The following HMCN2 variants were observed in gnomAD, a reference collection of about 807,000 sequenced individuals.
HMCN2 encodes hemicentin 2, also known as hemicentin-2.
HMCN2 carries 325 observed loss-of-function variants against 377.5 expected under a neutral mutation model. The ratio of observed to expected loss-of-function variants is 0.86; its 90% CI spans 0.79 to 0.94. The LOEUF (loss-of-function observed/expected upper bound fraction) is 0.94. Among genes scored for constraint, HMCN2 ranks in the 40% least tolerant of loss-of-function variants. HMCN2 has a pLI of 0.00. For synonymous variants in HMCN2, 2,007 were observed against 2,046.8 expected (o/e 0.98, Z 0.53); for missense variants, 4,543 against 4,725.3 (o/e 0.96, Z 1.13).
In HMCN2 at chr9:130,319,657, G is replaced by A. The variant is rs1360961939; in HGVS notation, c.2513G>A (p.Arg838Lys). Residue 838 changes from arginine to lysine, a missense_variant, in exon 16 of 98, where the codon AGG becomes AAG. Arg to Lys is a conservative substitution (Grantham distance 26). Coordinates refer to ENST00000683500, the MANE Select transcript of HMCN2 (RefSeq NM_001291815.2). ...AGGCTGGGGGCCGGGCGAGGCAGTAGGTCTCGGCAGCCGGATTCGGGAGTG... is the reference window on the plus strand; with the variant it reads ...AGGCTGGGGGCCGGGCGAGGCAGTAAGTCTCGGCAGCCGGATTCGGGAGTG... The part of the protein sequence containing the change: ...GLRLGAGRGS[R>K]SRQPDSGVLF... 5 of 152,092 alleles carry A rather than the reference G, an allele frequency of 3.3e-5. No individual in the cohort carries two copies. Among genetic ancestry groups the A allele is most frequent in the African/African-American group, 1.2e-4 (5 of 41,432 alleles). The allele number at this position is 152,092 out of a possible 1,614,324, so 9.4% of individuals were successfully genotyped here.
intron 79 of HMCN2, 77 bp downstream of exon 79, chr9:130,403,405 G>A (rs1476659696): frequency 7.9e-7 from 1 of 1,262,938 alleles, no homozygotes; most frequent in East Asian, 5.6e-5. Flanking sequence ...CCTGCTTCCT[G>A]CCCTGGGAGA....
intron 52 of HMCN2, 86 bp from the exon 53 acceptor site, chr9:130,377,563 T>G: frequency 1.4e-6 from 1 of 719,560 alleles, no homozygotes; most frequent in Non-Finnish European, 1.7e-6. Context: ...TTGGAGAATG[T>G]ATTGAGAATT....
chr9:130,398,346 G>T (rs1008251109), intron 74 of HMCN2, among the ~76,000 whole-genome samples: 5 of 152,092 alleles, frequency 3.3e-5, no homozygotes, highest in Admixed American at 2.6e-4. Flanking sequence ...AGGCACTGAG[G>T]GGGTGCCAGG....
At chr9:130,326,759 C>T (rs1264423791) in intron 21 of HMCN2, among the ~76,000 whole-genome samples, 2 of 151,888 alleles carry the variant, frequency 1.3e-5, no homozygotes, top group South Asian at 2.1e-4. Flanking sequence ...AAGGCGGAGG[C>T]GGGGAGCGGG....
chr9:130,336,364 C>T (rs1346182415), intron 22 of HMCN2, among the ~76,000 whole-genome samples: 6 of 152,172 alleles, frequency 3.9e-5, no homozygotes, highest in African/African-American at 1.4e-4. Flanking sequence ...TATGCATGTG[C>T]TCTTGTCTCC....
intron 22 of HMCN2, among the ~76,000 whole-genome samples, chr9:130,334,777 CT>C (rs1838644363): frequency 1.3e-5 from 2 of 148,714 alleles, no homozygotes; most frequent in Non-Finnish European, 1.5e-5. Flanking sequence ...CTCTCTCTCT[CT>C]CCCTCTTCCT....
At chr9:130,406,278 A>G (rs1368619594) in intron 82 of HMCN2, 110 bp downstream of exon 82, 1 of 967,480 alleles carries the variant, frequency 1.0e-6, no homozygotes, top group Non-Finnish European at 1.4e-6. Context: ...GTTGTCAGCC[A>G]GCCCTGTTGG....
chr9:130,368,842 G>A (rs1840847042), intron 44 of HMCN2, among the ~76,000 whole-genome samples: 1 of 152,102 alleles, frequency 6.6e-6, no homozygotes, highest in Non-Finnish European at 1.5e-5. Context: ...CAGCATAGGG[G>A]AAACCGCCCA....
chr9:130,421,307 G>A (rs540871717), intron 86 of HMCN2, among the ~76,000 whole-genome samples: 5 of 152,278 alleles, frequency 3.3e-5, no homozygotes, highest in East Asian at 3.9e-4. Flanking sequence ...AAGCCACACC[G>A]TGCTGCGTAT....
intron 1 of HMCN2, among the ~76,000 whole-genome samples, chr9:130,283,817 T>C (rs2131272961): frequency 6.6e-6 from 1 of 152,392 alleles, no homozygotes; most frequent in South Asian, 2.1e-4. Flanking sequence ...CTCCACCAGA[T>C]GATGGACATC....
intron 1 of HMCN2, among the ~76,000 whole-genome samples, chr9:130,280,424 G>A (rs540836211): frequency 6.6e-6 from 1 of 151,188 alleles, no homozygotes; most frequent in East Asian, 2.0e-4. Flanking sequence ...CTCCCGCCTC[G>A]GCCTCCCAAA....
rs1349897528 is a variant in HMCN2, at chr9:130,408,781, G to T, written c.12727G>T (p.Val4243Leu). The T allele has an allele frequency of 7.8e-7, 1 of 1,289,602 alleles. No homozygotes were observed. The highest frequency in any genetic ancestry group is 1.2e-5 in the South Asian group (1 of 81,020). The allele number at this position is 1,289,602 out of a possible 1,614,324, so 79.9% of individuals were successfully genotyped here. The part of the protein sequence containing the change: ...VLQGEAFSYL[V>L]EPVGGSIQLD... ...ACAAGGGGAGGCTTTCTCCTACCTG[G>T]TGGAACCTGTAGGAGGCAGCATTCA... is the stretch of plus-strand genomic sequence containing the variant. The change falls in exon 84 of 98, where the codon GTG (valine) becomes TTG (leucine). Residue 4243 changes from valine to leucine, a missense_variant. By Grantham distance (32) the Val-to-Leu change is conservative. This residue lies in a region of HMCN2 where 1,073 missense variants were observed against 1,319.5 expected (regional missense o/e 0.81). Transcript: ENST00000683500.
At chr9:130,316,805 A>C (rs992463828) in intron 15 of HMCN2, among the ~76,000 whole-genome samples, 4 of 152,204 alleles carry the variant, frequency 2.6e-5, no homozygotes, top group African/African-American at 9.6e-5. Context: ...CCTGGGAGCC[A>C]GAAAGCAGAG....
At chr9:130,288,717 CAG>C (rs1318279699) in intron 4 of HMCN2, among the ~76,000 whole-genome samples, 3 of 152,242 alleles carry the variant, frequency 2.0e-5, no homozygotes, top group Non-Finnish European at 2.9e-5. Flanking sequence ...AGTGCTGGTG[CAG>C]AGTTGGCCAT....
intron 86 of HMCN2, among the ~76,000 whole-genome samples, chr9:130,419,869 G>C (rs36093576): frequency 2.0e-5 from 3 of 152,064 alleles, no homozygotes; most frequent in African/African-American, 4.8e-5. Flanking sequence ...GGAAATCCAC[G>C]TGAAACCCAC....
intron 1 of HMCN2, among the ~76,000 whole-genome samples, chr9:130,269,266 CTTTTTT>C (rs56326154): frequency 2.6e-5 from 3 of 116,558 alleles, no homozygotes; most frequent in Non-Finnish European, 3.7e-5. Flanking sequence ...GCCCTGGTTC[CTTTTTT>C]TTTTTTTTTT....
At position 130,327,763 on chromosome 9, in the gene HMCN2, A is replaced by G. The variant is rs888112749; in HGVS notation, c.3359+288A>G. ...TGCACGGCCACCCTTGATATCTAAC[A>G]GGACACTGACACTCAGCCAGGGAGT... On this transcript the variant is annotated intron_variant, in intron 22 of 97. Transcript: ENST00000683500. Among the ~76,000 whole-genome samples the G allele has an allele frequency of 9.3e-4, 141 of 152,300 alleles. 2 individuals are homozygous for G. In the South Asian group the frequency reaches 0.028, roughly 30 times the overall value.
At chr9:130,413,260 T>A (rs554438867) in intron 85 of HMCN2, among the ~76,000 whole-genome samples, 65 of 152,188 alleles carry the variant, frequency 4.3e-4, no homozygotes, top group Non-Finnish European at 1.6e-4. Flanking sequence ...TTGCTTTGCC[T>A]TATTGCCTTG....
chr9:130,377,329 G>A (rs954523610), intron 52 of HMCN2, among the ~76,000 whole-genome samples: 7 of 151,852 alleles, frequency 4.6e-5, no homozygotes, highest in South Asian at 4.2e-4. Flanking sequence ...TGGCCAGGCC[G>A]ATCTCAAACT....
Sources: allele counts gnomAD v4.1 joint callset (sites outside exome capture counted in the v4.1 genomes callset), GRCh38; gene constraint gnomAD v4.1.1; regional missense constraint gnomAD v4.1.1; transcripts MANE v1.5; gene names NCBI Gene and HGNC (gene_info 2026-07-23, HGNC 2026-07-21).